The following ANKS1B variants were observed in gnomAD, a reference collection of about 807,000 sequenced individuals.
The protein encoded by ANKS1B is ankyrin repeat and sterile alpha motif domain-containing protein 1B.
In ANKS1B, 36 loss-of-function variants were observed where a neutral mutation model predicts 148.3. That is an observed-to-expected ratio of 0.24 (90% CI 0.19 to 0.32). ANKS1B has a LOEUF of 0.32. ANKS1B is among the 10% of genes least tolerant of loss of function. The pLI is 1.00. For missense variants in ANKS1B, 1,157 were observed against 1,542.6 expected (o/e 0.75, Z 4.19); for synonymous variants, 542 against 560.8 (o/e 0.97, Z 0.47).
intron 14 of ANKS1B, among the ~76,000 whole-genome samples, chr12:99,240,826 A>T (rs2153964717): frequency 6.6e-6 from 1 of 152,336 alleles, no homozygotes; most frequent in African/African-American, 2.4e-5. Flanking sequence ...GAAGGCAGAA[A>T]TAAAGATGTT....
chr12:99,165,935 T>C (rs1442350691), intron 14 of ANKS1B, among the ~76,000 whole-genome samples: 1 of 151,882 alleles, frequency 6.6e-6, no homozygotes, highest in East Asian at 1.9e-4. Context: ...ACAATATGAC[T>C]AAGTGAAGTT....
intron 17 of ANKS1B, among the ~76,000 whole-genome samples, chr12:98,855,753 G>C (rs991928272): frequency 2.7e-5 from 4 of 146,098 alleles, no homozygotes; most frequent in Non-Finnish European, 6.1e-5. Context: ...CTTGGCCAGT[G>C]ATTTTTTTTA....
intron 8 of ANKS1B, among the ~76,000 whole-genome samples, chr12:99,691,975 G>C (rs909058197): frequency 3.9e-5 from 6 of 152,082 alleles, no homozygotes; most frequent in African/African-American, 9.7e-5. Context: ...GTACAACTGG[G>C]GTATGGTGGG....
At chr12:99,327,134 TTAATATACAA>T (rs1245352126) in intron 12 of ANKS1B, among the ~76,000 whole-genome samples, 2 of 123,684 alleles carry the variant, frequency 1.6e-5, no homozygotes, top group African/African-American at 6.3e-5. Flanking sequence ...AATTAATATA[TTAATATACAA>T]TAATATATAA....
chr12:99,648,900 A>T, intron 9 of ANKS1B: 1 of 1,395,134 alleles, frequency 7.2e-7, no homozygotes, highest in South Asian at 1.5e-5. Flanking sequence ...TTGCATTTGG[A>T]AGGTCTGAAG....
intron 9 of ANKS1B, among the ~76,000 whole-genome samples, chr12:99,630,852 G>A (rs1017696916): frequency 6.6e-6 from 1 of 152,274 alleles, no homozygotes; most frequent in East Asian, 1.9e-4. Flanking sequence ...ATGTTTGGCT[G>A]TCTCTCCACC....
intron 15 of ANKS1B, among the ~76,000 whole-genome samples, chr12:99,134,955 AGAG>A (rs1411633193): frequency 6.6e-6 from 1 of 152,190 alleles, no homozygotes; most frequent in Non-Finnish European, 1.5e-5. Flanking sequence ...TACAGTCATT[AGAG>A]GATAGCTTTT....
chr12:99,298,207 T>C (rs1816877199), intron 12 of ANKS1B, among the ~76,000 whole-genome samples: 1 of 152,186 alleles, frequency 6.6e-6, no homozygotes, highest in African/African-American at 2.4e-5. Flanking sequence ...TATTGAATGT[T>C]TCCTACGTAC....
intron 10 of ANKS1B, among the ~76,000 whole-genome samples, chr12:99,468,949 C>G (rs1034891965): frequency 6.6e-6 from 1 of 152,054 alleles, no homozygotes; most frequent in African/African-American, 2.4e-5. Flanking sequence ...GGTATATACC[C>G]ACAGGACTAT....
At chr12:99,418,390 T>C (rs1383742179) in intron 11 of ANKS1B, among the ~76,000 whole-genome samples, 1 of 152,222 alleles carries the variant, frequency 6.6e-6, no homozygotes, top group Non-Finnish European at 1.5e-5. Context: ...TATTTGTGAT[T>C]ATAAATGACC....
At chr12:98,957,311 AT>A (rs2099863952) in intron 17 of ANKS1B, among the ~76,000 whole-genome samples, 6 of 143,874 alleles carry the variant, frequency 4.2e-5, no homozygotes, top group African/African-American at 1.5e-4. Context: ...TTTTTTTTAA[AT>A]ATTTATTTAT....
In ANKS1B at chr12:99,100,897, T is replaced by C. The variant is rs144384127; in HGVS notation, c.2527-15874A>G. ...CTGTACAGAGAAAAGATTCCTGAAG[T>C]ACACAGCTTTGGATCAGGAAAGACA... On this transcript the variant is annotated intron_variant, in intron 15 of 26. Transcript: ENST00000683438. 7.0e-3 allele frequency among the ~76,000 whole-genome samples: 1,064 copies of C among 152,260 alleles called. 13 individuals are homozygous for C. The highest frequency in any genetic ancestry group is 0.046 in the South Asian group (222 of 4,820).
intron 4 of ANKS1B, among the ~76,000 whole-genome samples, chr12:99,802,401 T>G (rs990331544): frequency 1.3e-5 from 2 of 152,160 alleles, no homozygotes; most frequent in Non-Finnish European, 2.9e-5. Flanking sequence ...AAGAGAAAAC[T>G]GCCCATTCAA....
intron 17 of ANKS1B, among the ~76,000 whole-genome samples, chr12:99,045,108 A>G (rs1340565132): frequency 6.6e-6 from 1 of 152,172 alleles, no homozygotes; most frequent in African/African-American, 2.4e-5. Flanking sequence ...CACTGTTGAA[A>G]AGCATTTCTG....
At position 98,757,075 on chromosome 12, in the gene ANKS1B, A is replaced by C. The variant is rs368120629; in HGVS notation, c.3580-5553T>G. On this transcript the variant is annotated intron_variant, in intron 25 of 26. Coordinates refer to ENST00000683438, the MANE Select transcript of ANKS1B (RefSeq NM_001352186.2). ...AAGGAAAAAAAAAAAAGTTCTTGCT[A>C]TCCTGAGATCATCATGCTATGAGAA... Among the ~76,000 whole-genome samples, 39 of 152,086 alleles carry C rather than the reference A, an allele frequency of 2.6e-4. 1 individual carries two copies. The East Asian group carries it at 6.0e-3, about 23-fold the overall frequency.
intron 9 of ANKS1B, among the ~76,000 whole-genome samples, chr12:99,621,461 G>GAAAAAAA (rs199847091): frequency 4.4e-5 from 5 of 112,780 alleles, no homozygotes; most frequent in Non-Finnish European, 1.9e-5. Flanking sequence ...AGGCAAATTG[G>GAAAAAAA]AAAAAAAAAA....
intron 12 of ANKS1B, among the ~76,000 whole-genome samples, chr12:99,333,574 G>A (rs1336054278): frequency 2.2e-4 from 33 of 151,996 alleles, no homozygotes; most frequent in Admixed American, 1.9e-3. Flanking sequence ...GCAGGTCCCT[G>A]TCTCAGTTCC....
rs192081104 is a variant in ANKS1B at position 99,381,162 on chromosome 12, C to A, written c.1756+18469G>T. 2.9e-3 allele frequency among the ~76,000 whole-genome samples: 444 copies of A among 152,296 alleles called. 1 individual carries two copies. Among genetic ancestry groups the A allele is most frequent in the Non-Finnish European group, 5.4e-3 (366 of 68,022 alleles). ...GACTCCTTGATTTCAGACTTCTAGG[C>A]TCCAGACTTGTGAGAGAATAAATTT... On this transcript the variant is annotated intron_variant, in intron 12 of 26. Transcript: ENST00000683438.
chr12:99,191,246 T>G (rs1426697776), intron 14 of ANKS1B, among the ~76,000 whole-genome samples: 2 of 152,168 alleles, frequency 1.3e-5, no homozygotes, highest in Non-Finnish European at 2.9e-5. Context: ...ATACTGTTGG[T>G]GGGAGTGAAA....
Sources: allele counts gnomAD v4.1 joint callset (sites outside exome capture counted in the v4.1 genomes callset), GRCh38; gene constraint gnomAD v4.1.1; transcripts MANE v1.5; gene names NCBI Gene and HGNC (gene_info 2026-07-23, HGNC 2026-07-21).